FBXO42: variants seen among roughly 807,000 people sequenced by gnomAD.
FBXO42 encodes F-box only protein 42.
FBXO42 carries 12 observed loss-of-function variants against 71.7 expected under a neutral mutation model. The observed-to-expected ratio is 0.17, with a 90% CI of 0.11 to 0.27. FBXO42 has a LOEUF of 0.27. FBXO42 is among the 10% of genes least tolerant of loss of function. FBXO42 has a pLI of 1.00. For synonymous variants in FBXO42, 325 were observed against 327.5 expected, an observed-to-expected ratio of 0.99 and a Z score of 0.08; for missense variants, 707 against 911.9, an observed-to-expected ratio of 0.78 and a Z score of 2.89.
At chr1:16,330,064 C>G (rs2082484942) in intron 1 of FBXO42, among the ~76,000 whole-genome samples, 1 of 152,228 alleles carries the variant, frequency 6.6e-6, no homozygotes, top group Non-Finnish European at 1.5e-5. Context: ...CCTAACTTGT[C>G]TCCACCTAGG....
chr1:16,347,647 GA>G (rs1457763436), intron 1 of FBXO42, among the ~76,000 whole-genome samples: 1 of 151,836 alleles, frequency 6.6e-6, no homozygotes, highest in Non-Finnish European at 1.5e-5. Context: ...CTGAGATCAG[GA>G]GCTCCAGACC....
intron 7 of FBXO42, chr1:16,253,404 C>T (rs974005778): frequency 1.7e-6 from 1 of 592,520 alleles, no homozygotes; most frequent in East Asian, 2.9e-5. Flanking sequence ...ATGCAGGATT[C>T]TCTTGAGAAA....
intron 1 of FBXO42, among the ~76,000 whole-genome samples, chr1:16,337,870 C>T (rs1399665967): frequency 4.7e-5 from 4 of 85,864 alleles, no homozygotes; most frequent in East Asian, 9.2e-4. Context: ...GGAGAAAGAG[C>T]GAGACTCCGT....
At chr1:16,330,134 A>C (rs2082485996) in intron 1 of FBXO42, among the ~76,000 whole-genome samples, 1 of 152,194 alleles carries the variant, frequency 6.6e-6, no homozygotes, top group Non-Finnish European at 1.5e-5. Context: ...TTTACAATGG[A>C]CAGAAAGTAA....
intron 1 of FBXO42, among the ~76,000 whole-genome samples, chr1:16,351,805 T>C (rs1447715458): frequency 6.6e-6 from 1 of 152,116 alleles, no homozygotes; most frequent in Non-Finnish European, 1.5e-5. Context: ...GTAAACCAAT[T>C]CCAAAATTAT....
At chr1:16,278,418 C>T (rs192571435) in intron 4 of FBXO42, among the ~76,000 whole-genome samples, 11 of 152,072 alleles carry the variant, frequency 7.2e-5, no homozygotes, top group Admixed American at 5.9e-4. Context: ...ATGTTAGCAC[C>T]GACGTTTGGG....
rs1405266613 is a variant in FBXO42 at position 16,248,509 on chromosome 1, G to A, written c.*2161C>T. ...AGGAAGGCCACAGGACTAAGGGAAA[G>A]ACTGTAAGGTTGAGATTCTGTACTT... is the stretch of plus-strand genomic sequence containing the variant. On this transcript the variant is annotated 3_prime_UTR_variant, in exon 10 of 10. Coordinates refer to ENST00000375592, the MANE Select transcript of FBXO42 (RefSeq NM_018994.3). 6.6e-6 allele frequency: 1 copy of A among 152,186 alleles called. No homozygotes were observed. Among genetic ancestry groups the A allele is most frequent in the Non-Finnish European group, 1.5e-5 (1 of 68,038 alleles). The allele number at this position is 152,186 out of a possible 1,614,324, so 9.4% of individuals were successfully genotyped here.
chr1:16,326,014 T>TTGTGTA (rs1553154802), intron 1 of FBXO42, among the ~76,000 whole-genome samples: 5 of 137,420 alleles, frequency 3.6e-5, no homozygotes, highest in African/African-American at 1.3e-4. Flanking sequence ...GTGCCCAAAT[T>TTGTGTA]TGTGTGTGTG....
chr1:16,330,983 T>C (rs1190561634), intron 1 of FBXO42, among the ~76,000 whole-genome samples: 3 of 151,910 alleles, frequency 2.0e-5, no homozygotes, highest in Admixed American at 6.6e-5. Flanking sequence ...TAGCTGGGCA[T>C]GGTGGCGCGT....
chr1:16,308,742 T>G (rs1290371591), intron 2 of FBXO42, among the ~76,000 whole-genome samples: 18 of 128,554 alleles, frequency 1.4e-4, no homozygotes, highest in Non-Finnish European at 6.3e-5. Context: ...CCATCTCTGT[T>G]TTTTTTTTTT....
At position 16,248,757 on chromosome 1, in the gene FBXO42, G is replaced by A. The variant is rs2081560276; in HGVS notation, c.*1913C>T. On this transcript the variant is annotated 3_prime_UTR_variant, in exon 10 of 10. Coordinates refer to ENST00000375592, the MANE Select transcript of FBXO42 (RefSeq NM_018994.3). ...GCACCAGAGCCTGAGTCGCGAAAGG[G>A]AAGTGTGGAGCTCCAAGCAGTTGGA... 1 of 152,256 alleles carries A rather than the reference G, an allele frequency of 6.6e-6. No homozygotes were observed. The highest frequency in any genetic ancestry group is 1.5e-5 in the Non-Finnish European group (1 of 68,058). 9.4% of individuals were successfully genotyped at this position (152,256 alleles called of 1,614,324 possible). A position where few individuals can be genotyped will look rare whatever the true frequency, so the allele number is the denominator to read the frequency against.
intron 2 of FBXO42, among the ~76,000 whole-genome samples, chr1:16,309,323 C>T (rs1184458653): frequency 6.6e-6 from 1 of 151,712 alleles, no homozygotes; most frequent in Non-Finnish European, 1.5e-5. Context: ...ATGATCCACC[C>T]ACCTTGGCCT....
rs2082390559 is a variant in FBXO42, at chr1:16,318,657, C to A, written c.-17-3222G>T. ...GGTGTTTTATGTAAGAACTGTGTTG[C>A]AGATTAGATTCTCCAGGAAGCAGAT... On this transcript the variant is annotated intron_variant, in intron 1 of 9. Transcript: ENST00000375592. Among the ~76,000 whole-genome samples, 3 of 152,094 alleles carry A rather than the reference C, an allele frequency of 2.0e-5. No individual in the cohort carries two copies. The East Asian group carries it at 5.8e-4, about 29-fold the overall frequency.
intron 6 of FBXO42, among the ~76,000 whole-genome samples, chr1:16,254,003 ATACTGTTAC>A (rs748023826): frequency 2.0e-5 from 3 of 152,226 alleles, no homozygotes; most frequent in Non-Finnish European, 4.4e-5. Flanking sequence ...TAAAATGAAA[ATACTGTTAC>A]TACTGTCTGA....
At chr1:16,340,507 CGG>C (rs1228055488) in intron 1 of FBXO42, among the ~76,000 whole-genome samples, 1 of 151,876 alleles carries the variant, frequency 6.6e-6, no homozygotes, top group African/African-American at 2.4e-5. Flanking sequence ...TTAGTAGAGA[CGG>C]GGTTTCACCA....
chr1:16,300,753 C>T (rs1035277781), intron 3 of FBXO42, among the ~76,000 whole-genome samples: 3 of 152,080 alleles, frequency 2.0e-5, no homozygotes, highest in African/African-American at 4.8e-5. Context: ...ATATGTGACA[C>T]CTACAACACT....
intron 1 of FBXO42, among the ~76,000 whole-genome samples, chr1:16,335,856 G>C (rs549686140): frequency 7.1e-6 from 1 of 141,806 alleles, no homozygotes; most frequent in Non-Finnish European, 1.5e-5. Flanking sequence ...GACAGTGCGA[G>C]ACTCCATCGC....
chr1:16,345,513 T>C lies in FBXO42; in HGVS notation c.-18+6742A>G, dbSNP rs570705500. 2.6e-5 allele frequency among the ~76,000 whole-genome samples: 4 copies of C among 151,724 alleles called. No individual in the cohort carries two copies. In the East Asian group the frequency reaches 7.8e-4, roughly 30 times the overall value. ...AATGAAGACCCTGTAGCAATGAGCATCCCTAGCACACAGATCCTGGTTTCT... is the reference window on the plus strand; with the variant it reads ...AATGAAGACCCTGTAGCAATGAGCACCCCTAGCACACAGATCCTGGTTTCT... On this transcript the variant is annotated intron_variant, in intron 1 of 9. Coordinates refer to ENST00000375592, the MANE Select transcript of FBXO42 (RefSeq NM_018994.3).
At chr1:16,290,461 G>A (rs975644525) in intron 4 of FBXO42, among the ~76,000 whole-genome samples, 2 of 152,102 alleles carry the variant, frequency 1.3e-5, no homozygotes, top group Admixed American at 6.6e-5. Flanking sequence ...GGAGGCTGAG[G>A]TGGGTGGATC....
Sources: gnomAD v4.1 joint callset for allele counts (sites outside exome capture counted in the v4.1 genomes callset) on GRCh38, gnomAD v4.1.1 for gene constraint, MANE v1.5 for transcripts, NCBI Gene and HGNC (gene_info 2026-07-23, HGNC 2026-07-21) for gene names.